The following ZDHHC20 variants were observed in gnomAD, a reference collection of about 807,000 sequenced individuals.
ZDHHC20 encodes the protein palmitoyltransferase ZDHHC20.
Under a neutral mutation model 57.8 loss-of-function variants are expected in ZDHHC20, and 43 were observed. The ratio of observed to expected loss-of-function variants is 0.74; its 90% confidence interval spans 0.58 to 0.96. The LOEUF is 0.96. Ranked by LOEUF, ZDHHC20 falls within the 40% of genes least tolerant of loss-of-function variation. The pLI, the probability that ZDHHC20 is intolerant of heterozygous loss-of-function variation, is 0.00. For synonymous variants in ZDHHC20, 157 were observed against 153.0 expected (o/e 1.03, Z -0.19); for missense variants, 391 against 441.1 (o/e 0.89, Z 1.02).
chr13:21,401,513 A>G (rs560755844), intron 6 of ZDHHC20, 140 bp downstream of exon 6: 14 of 680,766 alleles, frequency 2.1e-5, no homozygotes, highest in Admixed American at 3.8e-5. Context: ...AACTGTTTAC[A>G]TACAAATCTA....
At chr13:21,415,093 C>T (rs1052976349) in intron 3 of ZDHHC20, among the ~76,000 whole-genome samples, 3 of 152,258 alleles carry the variant, frequency 2.0e-5, no homozygotes, top group South Asian at 4.1e-4. Flanking sequence ...CCCATCATTG[C>T]TAATGGTATT....
At chr13:21,396,805 C>CA (rs1356933618) in intron 7 of ZDHHC20, among the ~76,000 whole-genome samples, 1 of 149,602 alleles carries the variant, frequency 6.7e-6, no homozygotes, top group African/African-American at 2.5e-5. Flanking sequence ...TGCACTCCAG[C>CA]CTGCATGACA....
chr13:21,403,718 C>T (rs532556027), intron 4 of ZDHHC20, among the ~76,000 whole-genome samples: 3 of 152,114 alleles, frequency 2.0e-5, no homozygotes, highest in African/African-American at 4.8e-5. Flanking sequence ...GACGGAGTGT[C>T]GCTCCGTCGC....
chr13:21,378,763 C>T, intron 11 of ZDHHC20, 25 bp from the exon 12 acceptor site: 1 of 686,116 alleles, frequency 1.5e-6, no homozygotes. Flanking sequence ...TTATATATGA[C>T]ATGACAAAAA....
intron 12 of ZDHHC20, 98 bp from the exon 13 acceptor site, chr13:21,376,753 T>TA: frequency 1.5e-6 from 1 of 678,744 alleles, no homozygotes; most frequent in Non-Finnish European, 2.3e-6. Flanking sequence ...AAGCTACTAA[T>TA]ATAACAAGAT....
intron 3 of ZDHHC20, among the ~76,000 whole-genome samples, chr13:21,420,341 A>C (rs1053305142): frequency 6.6e-6 from 1 of 152,174 alleles, no homozygotes; most frequent in African/African-American, 2.4e-5. Flanking sequence ...TAAACCTCAC[A>C]ATCTTTACAA....
At chr13:21,451,881 C>T (rs1038361285) in intron 1 of ZDHHC20, among the ~76,000 whole-genome samples, 1 of 151,856 alleles carries the variant, frequency 6.6e-6, no homozygotes, top group Non-Finnish European at 1.5e-5. Flanking sequence ...GTAGTCCCAA[C>T]TACTTGAGAG....
At position 21,398,381 on chromosome 13, in the gene ZDHHC20, A is replaced by G. The variant is rs147104090; in HGVS notation, c.594+1992T>C. ...CGGGAGGCTGAGGCAGCAGAATGGCATGAACCCGGGAGGCGGAGCTGGCAG... is the reference window on the plus strand; with the variant it reads ...CGGGAGGCTGAGGCAGCAGAATGGCGTGAACCCGGGAGGCGGAGCTGGCAG... On this transcript the variant is annotated intron_variant, in intron 7 of 12. Coordinates refer to ENST00000400590, the MANE Select transcript of ZDHHC20 (RefSeq NM_001330059.2). Among the ~76,000 whole-genome samples, 649 of 151,978 alleles carry G rather than the reference A, an allele frequency of 4.3e-3. 1 individual carries two copies. Among genetic ancestry groups the G allele is most frequent in the African/African-American group, 0.015 (603 of 41,444 alleles).
intron 8 of ZDHHC20, among the ~76,000 whole-genome samples, chr13:21,389,522 T>G (rs530406136): frequency 1.5e-4 from 23 of 152,192 alleles, no homozygotes; most frequent in Non-Finnish European, 2.8e-4. Context: ...TATTTGTGCA[T>G]GTTCTAAGTC....
chr13:21,431,080 G>A (rs1465670414), intron 1 of ZDHHC20, among the ~76,000 whole-genome samples: 1 of 152,028 alleles, frequency 6.6e-6, no homozygotes, highest in Non-Finnish European at 1.5e-5. Context: ...ATGATTACTC[G>A]TGTATTCACC....
intron 3 of ZDHHC20, 26 bp from the exon 4 acceptor site, chr13:21,413,798 AT>A (rs1330942130): frequency 1.9e-6 from 3 of 1,580,250 alleles, no homozygotes; most frequent in Non-Finnish European, 2.6e-6. Context: ...GGACTATTAA[AT>A]TTTTTTAATC....
chr13:21,387,173 A>T (rs368797405), intron 9 of ZDHHC20, among the ~76,000 whole-genome samples: 15 of 152,312 alleles, frequency 9.8e-5, no homozygotes, highest in African/African-American at 3.6e-4. Flanking sequence ...CATTTCTGTG[A>T]TAGGATCTTT....
At chr13:21,382,191 A>G (rs1873549620) in intron 10 of ZDHHC20, among the ~76,000 whole-genome samples, 2 of 152,226 alleles carry the variant, frequency 1.3e-5, no homozygotes, top group South Asian at 4.1e-4. Context: ...TCATAGTTTA[A>G]GTGACTTGGC....
intron 11 of ZDHHC20, 98 bp from the exon 12 acceptor site, chr13:21,378,836 C>G (rs1199622621): frequency 1.7e-6 from 1 of 595,478 alleles, no homozygotes; most frequent in Non-Finnish European, 2.6e-6. Context: ...AAATGACTAT[C>G]ATGTAAATAC....
intron 8 of ZDHHC20, chr13:21,390,347 GT>G (rs1211334265): frequency 1.3e-5 from 2 of 152,166 alleles, no homozygotes; most frequent in Non-Finnish European, 2.9e-5. Context: ...CAATAGCTCA[GT>G]GAGCAATGCC....
intron 11 of ZDHHC20, among the ~76,000 whole-genome samples, chr13:21,381,038 GCT>G (rs1566061107): frequency 6.6e-6 from 1 of 150,696 alleles, no homozygotes; most frequent in Admixed American, 6.6e-5. Flanking sequence ...ATGGAGTCTC[GCT>G]CTGTCACCCA....
intron 10 of ZDHHC20, chr13:21,381,923 C>T: frequency 1.9e-6 from 1 of 529,902 alleles, no homozygotes; most frequent in Non-Finnish European, 3.7e-6. Context: ...AAGTTTTCTG[C>T]TTTCTACCTC....
intron 7 of ZDHHC20, among the ~76,000 whole-genome samples, chr13:21,395,496 C>CTTTTTTTTTT (rs201405874): frequency 2.5e-5 from 3 of 120,510 alleles, no homozygotes; most frequent in Non-Finnish European, 3.5e-5. Context: ...CTTTTCTTTT[C>CTTTTTTTTTT]TTTTTTTTTT....
At chr13:21,400,559 T>G in intron 6 of ZDHHC20, 66 bp from the exon 7 acceptor site, 1 of 1,481,438 alleles carries the variant, frequency 6.8e-7, no homozygotes, top group Non-Finnish European at 9.0e-7. Flanking sequence ...AAATAGAAAG[T>G]AGGATGGAGG....
Sources: gnomAD v4.1 joint callset for allele counts (sites outside exome capture counted in the v4.1 genomes callset) on GRCh38, gnomAD v4.1.1 for gene constraint, MANE v1.5 for transcripts, NCBI Gene and HGNC (gene_info 2026-07-23, HGNC 2026-07-21) for gene names.